Variants in MET observed in about 807,000 individuals in gnomAD.
The protein encoded by MET is MET proto-oncogene, receptor tyrosine kinase, also known as hepatocyte growth factor receptor.
In MET, 48 loss-of-function variants were observed where a neutral mutation model predicts 133.1. The observed-to-expected ratio is 0.36, with a 90% CI of 0.29 to 0.46. The LOEUF is 0.46. MET is among the 20% of genes least tolerant of loss of function. The pLI, the probability that MET is intolerant of heterozygous loss-of-function variation, is 1.00. For synonymous variants in MET, 628 were observed against 616.5 expected, an observed-to-expected ratio of 1.02 and a Z score of -0.28; for missense variants, 1,442 against 1,695.9, an observed-to-expected ratio of 0.85 and a Z score of 2.63.
chr7:116,749,560 G>T (rs1409742491), intron 5 of MET, among the ~76,000 whole-genome samples: 1 of 152,174 alleles, frequency 6.6e-6, no homozygotes. Context: ...AGACAAGGAT[G>T]CCCTCTCTCA....
At position 116,755,523 on chromosome 7, in the gene MET, T is replaced by A. The variant is rs1366709635; in HGVS notation, c.1862+8T>A. 1 of 1,614,056 alleles carries A rather than the reference T, an allele frequency of 6.2e-7. No homozygotes were observed. On this transcript the variant is annotated splice_region_variant and intron_variant, in intron 6 of 20. Coordinates refer to ENST00000397752, the MANE Select transcript of MET (RefSeq NM_000245.4). ...TGAGAGCACGATGAATACGTAAGGA[T>A]CTTAAAATGCTTTGCTGGGGTGTGC...
intron 17 of MET, 33 bp from the exon 18 acceptor site, chr7:116,781,955 A>G (rs1218673336): frequency 7.8e-7 from 1 of 1,283,734 alleles, no homozygotes; most frequent in African/African-American, 1.5e-5. Context: ...GTAGATGCTT[A>G]GTTTATGCTT....
chr7:116,737,793 G>C (rs1490940194), intron 3 of MET, among the ~76,000 whole-genome samples: 1 of 152,182 alleles, frequency 6.6e-6, no homozygotes, highest in African/African-American at 2.4e-5. Flanking sequence ...CGAAAAGAAA[G>C]AGAAAGGTTA....
At chr7:116,771,806 G>C (rs2116995087) in intron 13 of MET, 43 bp from the exon 14 acceptor site, 2 of 1,613,416 alleles carry the variant, frequency 1.2e-6, no homozygotes, top group Non-Finnish European at 8.5e-7. Flanking sequence ...TGGGGCCCAT[G>C]ATAGCCGTCT....
At chr7:116,721,659 C>T (rs377476551) in intron 2 of MET, among the ~76,000 whole-genome samples, 18 of 152,000 alleles carry the variant, frequency 1.2e-4, no homozygotes, top group Non-Finnish European at 2.4e-4. Flanking sequence ...GCTTTGAATG[C>T]GTCCCAGAGA....
chr7:116,793,730 C>T (rs192344311), intron 19 of MET, among the ~76,000 whole-genome samples: 4 of 151,940 alleles, frequency 2.6e-5, no homozygotes, highest in Admixed American at 2.6e-4. Context: ...GAAACCCCGT[C>T]TCTACTAAAA....
At chr7:116,769,289 C>A (rs908725175) in intron 11 of MET, among the ~76,000 whole-genome samples, 1 of 152,212 alleles carries the variant, frequency 6.6e-6, no homozygotes, top group African/African-American at 2.4e-5. Flanking sequence ...ACAACTGAAT[C>A]TCTACATTGC....
intron 19 of MET, among the ~76,000 whole-genome samples, chr7:116,787,362 G>A (rs142130317): frequency 6.6e-4 from 101 of 152,254 alleles, no homozygotes; most frequent in African/African-American, 2.2e-3. Flanking sequence ...TGTCTTAGTC[G>A]TTTTGTGCTG....
chr7:116,773,310 C>T (rs1794891034), intron 14 of MET, among the ~76,000 whole-genome samples: 1 of 152,184 alleles, frequency 6.6e-6, no homozygotes, highest in African/African-American at 2.4e-5. Flanking sequence ...ACAGCATTCT[C>T]ATCAGACTTT....
At chr7:116,785,832 T>G (rs1437117565) in intron 19 of MET, among the ~76,000 whole-genome samples, 1 of 152,142 alleles carries the variant, frequency 6.6e-6, no homozygotes, top group Non-Finnish European at 1.5e-5. Flanking sequence ...AGATATATGC[T>G]CATGCAATAA....
intron 5 of MET, among the ~76,000 whole-genome samples, chr7:116,749,954 A>C (rs187342158): frequency 6.6e-6 from 1 of 152,190 alleles, no homozygotes; most frequent in Non-Finnish European, 1.5e-5. Flanking sequence ...ATGGAGAAAC[A>C]TTCCATGCTC....
At chr7:116,700,746 A>G (rs578082111) in intron 2 of MET, among the ~76,000 whole-genome samples, 2 of 152,350 alleles carry the variant, frequency 1.3e-5, no homozygotes, top group South Asian at 2.1e-4. Context: ...TTATGAGATT[A>G]TATTCTCTCA....
intron 3 of MET, among the ~76,000 whole-genome samples, chr7:116,736,375 C>T (rs548785730): frequency 3.3e-5 from 5 of 151,716 alleles, no homozygotes; most frequent in African/African-American, 4.8e-5. Context: ...AAATTAAAAC[C>T]GTTCAATTGT....
intron 2 of MET, among the ~76,000 whole-genome samples, chr7:116,709,734 A>T (rs1181629035): frequency 2.0e-5 from 3 of 152,078 alleles, no homozygotes; most frequent in Admixed American, 2.0e-4. Flanking sequence ...AGTGTAAAAA[A>T]CTGTTTACAA....
At chr7:116,714,049 T>C (rs1361150862) in intron 2 of MET, among the ~76,000 whole-genome samples, 8 of 152,228 alleles carry the variant, frequency 5.3e-5, no homozygotes, top group African/African-American at 1.9e-4. Flanking sequence ...CTCTTTGCAC[T>C]AAGCATTAAA....
chr7:116,684,250 A>G (rs1433239747), intron 1 of MET, among the ~76,000 whole-genome samples: 1 of 152,180 alleles, frequency 6.6e-6, no homozygotes, highest in African/African-American at 2.4e-5. Flanking sequence ...TCTCACTTTA[A>G]TATGTGTATA....
chr7:116,741,844 G>T (rs911969874), intron 5 of MET, among the ~76,000 whole-genome samples: 4 of 152,228 alleles, frequency 2.6e-5, no homozygotes, highest in Non-Finnish European at 4.4e-5. Context: ...TCCAGAACAA[G>T]ATGAGCACAT....
intron 19 of MET, among the ~76,000 whole-genome samples, chr7:116,794,870 T>C (rs1374760604): frequency 6.6e-6 from 1 of 152,202 alleles, no homozygotes; most frequent in Non-Finnish European, 1.5e-5. Flanking sequence ...GAGCACAGTG[T>C]TTTAAATCAA....
chr7:116,712,933 C>A (rs2116664798), intron 2 of MET, among the ~76,000 whole-genome samples: 1 of 152,292 alleles, frequency 6.6e-6, no homozygotes, highest in Non-Finnish European at 1.5e-5. Context: ...AGCACTCACC[C>A]TTTGAGCGGG....
Sources: allele counts gnomAD v4.1 joint callset (sites outside exome capture counted in the v4.1 genomes callset), GRCh38; gene constraint gnomAD v4.1.1; transcripts MANE v1.5; gene names NCBI Gene and HGNC (gene_info 2026-07-23, HGNC 2026-07-21).